RBFOX1: variants seen among roughly 807,000 people sequenced by gnomAD.
The protein encoded by RBFOX1 is RNA binding fox-1 homolog 1.
Under a neutral mutation model 57.7 loss-of-function variants are expected in RBFOX1, and 8 were observed. That is an observed-to-expected ratio of 0.14 (90% CI 0.08 to 0.25). RBFOX1 has a LOEUF of 0.25. Ranked by LOEUF, RBFOX1 falls within the 10% of genes least tolerant of loss-of-function variation. The pLI is 1.00. For missense variants in RBFOX1, 611 were observed against 548.5 expected (o/e 1.11, Z -1.14); for synonymous variants, 326 against 222.4 (o/e 1.47, Z -4.15).
At chr16:7,014,468 A>C (rs146033199) in intron 3 of RBFOX1, among the ~76,000 whole-genome samples, 8,071 of 151,468 alleles carry the variant, frequency 0.053, 706 homozygotes, top group African/African-American at 0.18. Context: ...GCTGATCTCG[A>C]ACTCCTGACC....
intron 2 of RBFOX1, among the ~76,000 whole-genome samples, chr16:6,518,694 T>C (rs2096433430): frequency 6.6e-6 from 1 of 152,128 alleles, no homozygotes; most frequent in African/African-American, 2.4e-5. Flanking sequence ...TTTATCTATG[T>C]ATGTATCTGT....
intron 2 of RBFOX1, among the ~76,000 whole-genome samples, chr16:6,568,434 G>T (rs2097297928): frequency 6.6e-6 from 1 of 152,152 alleles, no homozygotes; most frequent in South Asian, 2.1e-4. Flanking sequence ...AGAGAAAGCG[G>T]GGAGAGAAAA....
intron 3 of RBFOX1, among the ~76,000 whole-genome samples, chr16:6,845,081 A>T (rs1008464818): frequency 1.3e-4 from 20 of 151,940 alleles, no homozygotes; most frequent in Non-Finnish European, 2.2e-4. Context: ...TGGATATTAG[A>T]CCTTTGTCAG....
chr16:6,694,994 GAC>G (rs559084243), intron 3 of RBFOX1, among the ~76,000 whole-genome samples: 174 of 152,182 alleles, frequency 1.1e-3, no homozygotes, highest in African/African-American at 4.1e-3. Context: ...GGAAAAAAAT[GAC>G]ACATAGACAT....
At position 6,179,660 on chromosome 16, in the gene RBFOX1, C is replaced by T. The variant is rs72774577; in HGVS notation, c.-126-137335C>T. Among the ~76,000 whole-genome samples the T allele has an allele frequency of 4.3e-3, 653 of 152,284 alleles. 4 individuals are homozygous for T. Among genetic ancestry groups the T allele is most frequent in the Non-Finnish European group, 7.3e-3 (494 of 68,030 alleles). On this transcript the variant is annotated intron_variant, in intron 1 of 15. Coordinates refer to ENST00000550418, the MANE Select transcript of RBFOX1 (RefSeq NM_018723.4). ...CCCAACAGCACCTGCTGCTGCCTCT[C>T]CTTCTCCTCTTCTTTCCCCACCCTT...
intron 3 of RBFOX1, among the ~76,000 whole-genome samples, chr16:6,962,642 A>C (rs1177737371): frequency 1.3e-5 from 2 of 152,112 alleles, no homozygotes; most frequent in Non-Finnish European, 2.9e-5. Flanking sequence ...AGGCCGGTAG[A>C]TTGGTTGAAC....
chr16:6,993,201 G>T (rs1322265353), intron 3 of RBFOX1, among the ~76,000 whole-genome samples: 2 of 151,074 alleles, frequency 1.3e-5, no homozygotes, highest in African/African-American at 2.4e-5. Context: ...AGGCTGAATG[G>T]TATTGATAGC....
intron 4 of RBFOX1, among the ~76,000 whole-genome samples, chr16:7,351,589 A>G (rs1568360598): frequency 2.0e-5 from 3 of 152,264 alleles, no homozygotes; most frequent in Non-Finnish European, 4.4e-5. Flanking sequence ...GCGGTGGATC[A>G]TGATACTCTG....
intron 4 of RBFOX1, among the ~76,000 whole-genome samples, chr16:5,949,002 A>G (rs1175670073): frequency 2.0e-5 from 3 of 151,920 alleles, no homozygotes; most frequent in Admixed American, 1.3e-4. Context: ...CTTTCTCTCT[A>G]TGTGTTTGTG....
intron 2 of RBFOX1, among the ~76,000 whole-genome samples, chr16:6,615,842 T>C (rs1471044499): frequency 3.3e-5 from 5 of 152,168 alleles, no homozygotes; most frequent in Non-Finnish European, 5.9e-5. Context: ...ACAGGCACTG[T>C]CTGCTTGGCA....
chr16:7,459,311 C>T (rs1390487741), intron 4 of RBFOX1, among the ~76,000 whole-genome samples: 1 of 152,160 alleles, frequency 6.6e-6, no homozygotes, highest in East Asian at 1.9e-4. Flanking sequence ...TGGAGAAAGT[C>T]CAGAGATCCT....
chr16:7,507,848 C>A (rs1170671929), intron 4 of RBFOX1, among the ~76,000 whole-genome samples: 1 of 152,030 alleles, frequency 6.6e-6, no homozygotes, highest in African/African-American at 2.4e-5. Flanking sequence ...CAGGCATGAG[C>A]CACGGCGCCC....
intron 2 of RBFOX1, among the ~76,000 whole-genome samples, chr16:6,399,760 C>T (rs753709957): frequency 1.1e-4 from 16 of 152,158 alleles, no homozygotes; most frequent in South Asian, 2.1e-4. Flanking sequence ...ACCTGAGACT[C>T]GGTGATTTAT....
chr16:6,469,360 T>A (rs1288697087), intron 2 of RBFOX1, among the ~76,000 whole-genome samples: 1 of 152,098 alleles, frequency 6.6e-6, no homozygotes, highest in Non-Finnish European at 1.5e-5. Flanking sequence ...CTGGAAAGTC[T>A]CCAGTTGAAG....
intron 2 of RBFOX1, among the ~76,000 whole-genome samples, chr16:6,520,053 T>C (rs1022710064): frequency 9.2e-5 from 14 of 152,070 alleles, no homozygotes; most frequent in Admixed American, 4.6e-4. Flanking sequence ...ACCGTGCAGG[T>C]GCTAAGGTTT....
chr16:6,077,958 G>A (rs1000892796), intron 1 of RBFOX1, among the ~76,000 whole-genome samples: 1 of 152,158 alleles, frequency 6.6e-6, no homozygotes, highest in African/African-American at 2.4e-5. Context: ...CAGGAAATGA[G>A]TGAAGTCTCA....
intron 1 of RBFOX1, among the ~76,000 whole-genome samples, chr16:6,109,131 C>A (rs2152570067): frequency 6.6e-6 from 1 of 152,284 alleles, no homozygotes; most frequent in Non-Finnish European, 1.5e-5. Context: ...ATGTACATAA[C>A]CACTGTCAGT....
At chr16:6,671,291 T>C (rs10775353) in intron 3 of RBFOX1, among the ~76,000 whole-genome samples, 92,789 of 151,966 alleles carry the variant, frequency 0.61, 28,607 homozygotes, top group African/African-American at 0.64. Flanking sequence ...ATTATGCGGC[T>C]ATTAAAAATG....
chr16:7,685,197 A>G (rs2075797867), intron 14 of RBFOX1, among the ~76,000 whole-genome samples: 1 of 152,078 alleles, frequency 6.6e-6, no homozygotes, highest in South Asian at 2.1e-4. Context: ...TTCTACCCCG[A>G]TATGCCATAA....
Sources: gnomAD v4.1 joint callset for allele counts (sites outside exome capture counted in the v4.1 genomes callset) on GRCh38, gnomAD v4.1.1 for gene constraint, MANE v1.5 for transcripts, NCBI Gene and HGNC (gene_info 2026-07-23, HGNC 2026-07-21) for gene names.